The following KCNH1 variants were observed in gnomAD, a reference collection of about 807,000 sequenced individuals.
KCNH1 encodes the protein voltage-gated delayed rectifier potassium channel KCNH1.
Under a neutral mutation model 69.2 loss-of-function variants are expected in KCNH1, and 27 were observed. That is an observed-to-expected ratio of 0.39 (90% CI 0.29 to 0.54). KCNH1 has a LOEUF of 0.54. KCNH1 is among the 20% of genes least tolerant of loss of function. The pLI is 0.68. For missense variants in KCNH1, 798 were observed against 1,261.6 expected (o/e 0.63, Z 5.57); for synonymous variants, 456 against 487.7 (o/e 0.93, Z 0.86).
intron 5 of KCNH1, among the ~76,000 whole-genome samples, chr1:211,033,251 G>A (rs974031523): frequency 1.4e-4 from 21 of 152,220 alleles, no homozygotes; most frequent in Non-Finnish European, 2.6e-4. Flanking sequence ...TCATTAAAAA[G>A]TCAGGAAACA....
At chr1:210,871,910 G>T (rs1686257031) in intron 7 of KCNH1, among the ~76,000 whole-genome samples, 1 of 107,628 alleles carries the variant, frequency 9.3e-6, no homozygotes, top group South Asian at 4.3e-4. Context: ...TGTGGGGTGG[G>T]GGGAGGGGGG....
intron 7 of KCNH1, among the ~76,000 whole-genome samples, chr1:210,906,693 G>C (rs1687109850): frequency 6.6e-6 from 1 of 152,202 alleles, no homozygotes; most frequent in Non-Finnish European, 1.5e-5. Context: ...TGATAATTCA[G>C]TGCTTTCTCT....
intron 10 of KCNH1, among the ~76,000 whole-genome samples, chr1:210,747,091 AC>A (rs763994607): frequency 1.3e-5 from 2 of 152,070 alleles, no homozygotes; most frequent in Non-Finnish European, 2.9e-5. Flanking sequence ...AGAAACCACC[AC>A]CTTGTGGGTT....
At chr1:210,930,434 A>G (rs1425764188) in intron 6 of KCNH1, among the ~76,000 whole-genome samples, 2 of 152,196 alleles carry the variant, frequency 1.3e-5, no homozygotes, top group Admixed American at 1.3e-4. Context: ...TAAAGTGGGG[A>G]AAAGACACTG....
At chr1:210,820,647 A>G (rs1341947702) in intron 7 of KCNH1, among the ~76,000 whole-genome samples, 1 of 152,114 alleles carries the variant, frequency 6.6e-6, no homozygotes, top group Non-Finnish European at 1.5e-5. Context: ...AAACAAAACA[A>G]AACAGAAAGG....
intron 10 of KCNH1, among the ~76,000 whole-genome samples, chr1:210,747,914 C>A (rs1683198295): frequency 6.6e-6 from 1 of 152,184 alleles, no homozygotes; most frequent in Non-Finnish European, 1.5e-5. Context: ...TAATTTAAGT[C>A]CTGAGATGAG....
chr1:210,859,230 C>T, intron 7 of KCNH1: 2 of 1,612,454 alleles, frequency 1.2e-6, no homozygotes, highest in South Asian at 2.2e-5. Flanking sequence ...ACAACTGGAG[C>T]ACTGAATTTG....
intron 6 of KCNH1, among the ~76,000 whole-genome samples, chr1:210,956,251 G>A (rs1278305403): frequency 6.6e-6 from 1 of 152,154 alleles, no homozygotes; most frequent in Non-Finnish European, 1.5e-5. Flanking sequence ...CAGGGATGAA[G>A]CCAACTTGAT....
intron 7 of KCNH1, among the ~76,000 whole-genome samples, chr1:210,881,321 CT>C (rs1168950314): frequency 1.3e-5 from 2 of 152,136 alleles, no homozygotes; most frequent in Non-Finnish European, 2.9e-5. Flanking sequence ...AAGAAGACAT[CT>C]TTACACACAT....
intron 5 of KCNH1, among the ~76,000 whole-genome samples, chr1:211,056,102 GC>G (rs987293041): frequency 2.5e-4 from 38 of 152,174 alleles, no homozygotes; most frequent in African/African-American, 8.9e-4. Context: ...AGGGTAGAGT[GC>G]CAAGAAGGCT....
chr1:210,712,763 A>T (rs1682108982), intron 10 of KCNH1, among the ~76,000 whole-genome samples: 1 of 152,086 alleles, frequency 6.6e-6, no homozygotes, highest in Non-Finnish European at 1.5e-5. Context: ...CATTCCTGTT[A>T]TAAGTTCATT....
intron 10 of KCNH1, among the ~76,000 whole-genome samples, chr1:210,718,691 C>T (rs112939075): frequency 0.15 from 16,315 of 109,492 alleles, 2,142 homozygotes; most frequent in African/African-American, 0.28. Context: ...CACACACACA[C>T]ATATATATAT....
At chr1:210,796,369 GTGTGTCAAATGC>G (rs1684315431) in intron 9 of KCNH1, among the ~76,000 whole-genome samples, 1 of 152,098 alleles carries the variant, frequency 6.6e-6, no homozygotes, top group Admixed American at 6.5e-5. Context: ...ATGAGTATCT[GTGTGTCAAATGC>G]TGTGTCAAAT....
intron 8 of KCNH1, among the ~76,000 whole-genome samples, chr1:210,802,877 C>A (rs927824488): frequency 6.6e-6 from 1 of 151,960 alleles, no homozygotes; most frequent in African/African-American, 2.4e-5. Context: ...ACCTGTGTAA[C>A]AAACCTGCAT....
chr1:210,869,396 G>T (rs2102492503), intron 7 of KCNH1, among the ~76,000 whole-genome samples: 1 of 151,740 alleles, frequency 6.6e-6, no homozygotes, highest in South Asian at 2.1e-4. Flanking sequence ...ATTTACAATA[G>T]CTGCTTAAAA....
intron 7 of KCNH1, among the ~76,000 whole-genome samples, chr1:210,827,534 A>T (rs935069836): frequency 2.6e-5 from 4 of 152,166 alleles, no homozygotes; most frequent in African/African-American, 9.7e-5. Context: ...TATGCTGAAT[A>T]ATTATTTTAA....
intron 1 of KCNH1, among the ~76,000 whole-genome samples, chr1:211,124,870 T>C (rs899139287): frequency 3.3e-5 from 5 of 152,160 alleles, no homozygotes; most frequent in Non-Finnish European, 1.5e-5. Context: ...TGCACCTTGG[T>C]ATAAGCAGTT....
intron 7 of KCNH1, chr1:210,861,524 C>T (rs559147035): frequency 3.6e-5 from 28 of 772,770 alleles, no homozygotes; most frequent in East Asian, 2.7e-4. Flanking sequence ...TAACTCAGGT[C>T]GGTCATCTTC....
intron 1 of KCNH1, among the ~76,000 whole-genome samples, chr1:211,126,291 A>G (rs1241815723): frequency 6.6e-6 from 1 of 152,188 alleles, no homozygotes; most frequent in Non-Finnish European, 1.5e-5. Flanking sequence ...CGGGCGGATC[A>G]CAAGATCAGG....
Sources: gnomAD v4.1 joint callset for allele counts (sites outside exome capture counted in the v4.1 genomes callset) on GRCh38, gnomAD v4.1.1 for gene constraint, MANE v1.5 for transcripts, NCBI Gene and HGNC (gene_info 2026-07-23, HGNC 2026-07-21) for gene names.